The following KCNN2 variants were observed in gnomAD, a reference collection of about 807,000 sequenced individuals.
KCNN2 encodes the protein potassium calcium-activated channel subfamily N member 2.
A neutral mutation model predicts 55.5 loss-of-function variants in KCNN2; 24 were observed. That is an observed-to-expected ratio of 0.43 (90% CI 0.31 to 0.61). The LOEUF is 0.61. Among genes scored for constraint, KCNN2 ranks in the 20% least tolerant of loss-of-function variants. The pLI, the probability that KCNN2 is intolerant of heterozygous loss-of-function variation, is 0.08. For synonymous variants in KCNN2, 431 were observed against 336.1 expected (o/e 1.28, Z -3.09); for missense variants, 754 against 853.6 (o/e 0.88, Z 1.45).
intron 3 of KCNN2, among the ~76,000 whole-genome samples, chr5:114,450,570 T>G (rs750253424): frequency 6.6e-6 from 1 of 152,236 alleles, no homozygotes; most frequent in Non-Finnish European, 1.5e-5. Flanking sequence ...AATATAATTC[T>G]CTTCAGGCGT....
chr5:114,289,398 C>G (rs1262704532), intron 2 of KCNN2, among the ~76,000 whole-genome samples: 1 of 140,386 alleles, frequency 7.1e-6, no homozygotes, highest in Non-Finnish European at 1.5e-5. Context: ...GAGACAGAGT[C>G]TCACTCACTT....
At chr5:114,100,848 C>A (rs569223547) in intron 1 of KCNN2, among the ~76,000 whole-genome samples, 216 of 152,002 alleles carry the variant, frequency 1.4e-3, no homozygotes, top group Non-Finnish European at 2.7e-3. Flanking sequence ...AAGGTTTGAA[C>A]AGGAAAAGAA....
At chr5:114,183,646 T>G (rs536718771) in intron 1 of KCNN2, among the ~76,000 whole-genome samples, 1 of 152,058 alleles carries the variant, frequency 6.6e-6, no homozygotes, top group Non-Finnish European at 1.5e-5. Flanking sequence ...CATAATATAC[T>G]CTTATTATCT....
At chr5:114,332,236 A>G (rs1317686026) in intron 2 of KCNN2, among the ~76,000 whole-genome samples, 1 of 152,230 alleles carries the variant, frequency 6.6e-6, no homozygotes, top group African/African-American at 2.4e-5. Flanking sequence ...ACACAGACTG[A>G]TAATTAATTA....
At chr5:114,213,518 G>A (rs982743600) in intron 1 of KCNN2, among the ~76,000 whole-genome samples, 2 of 148,772 alleles carry the variant, frequency 1.3e-5, no homozygotes, top group Non-Finnish European at 3.0e-5. Flanking sequence ...TTTATAATTT[G>A]CATTCCTGAA....
intron 2 of KCNN2, among the ~76,000 whole-genome samples, chr5:114,278,243 C>T (rs1434284768): frequency 6.6e-6 from 1 of 152,172 alleles, no homozygotes; most frequent in Admixed American, 6.5e-5. Context: ...GGACACCTGC[C>T]TGTATGAGGT....
intron 2 of KCNN2, among the ~76,000 whole-genome samples, chr5:114,389,240 C>T (rs142147567): frequency 1.3e-5 from 2 of 152,102 alleles, no homozygotes; most frequent in South Asian, 4.1e-4. Flanking sequence ...TTGCTGAAAA[C>T]AAGGGCCTTA....
intron 1 of KCNN2, among the ~76,000 whole-genome samples, chr5:114,111,636 A>C (rs1751599689): frequency 6.6e-6 from 1 of 151,708 alleles, no homozygotes. Context: ...AATTTACAAG[A>C]AAAAAACAAC....
intron 3 of KCNN2, among the ~76,000 whole-genome samples, chr5:114,421,292 A>AT (rs1489719740): frequency 1.3e-5 from 2 of 150,954 alleles, no homozygotes; most frequent in African/African-American, 4.9e-5. Context: ...AATTAATTTT[A>AT]TTTTTTAAAC....
At chr5:114,184,365 T>C (rs1009026243) in intron 1 of KCNN2, among the ~76,000 whole-genome samples, 2 of 152,158 alleles carry the variant, frequency 1.3e-5, no homozygotes, top group Admixed American at 6.5e-5. Flanking sequence ...CCTGGCAGTG[T>C]TGGGGAAATA....
At chr5:114,399,053 G>T (rs114033327) in intron 2 of KCNN2, among the ~76,000 whole-genome samples, 6 of 152,040 alleles carry the variant, frequency 3.9e-5, no homozygotes, top group Non-Finnish European at 7.4e-5. Context: ...TTACATGATC[G>T]CTCTAGCTAA....
chr5:114,204,119 G>A (rs926185878), intron 1 of KCNN2, among the ~76,000 whole-genome samples: 3 of 151,912 alleles, frequency 2.0e-5, no homozygotes, highest in African/African-American at 7.3e-5. Context: ...TGAAGTTTCC[G>A]GACTCAGTGC....
At position 114,486,918 on chromosome 5, in the gene KCNN2, T is replaced by A. The variant is rs1580920952; in HGVS notation, c.1891-132T>A. On this transcript the variant is annotated intron_variant, in intron 5 of 7. Coordinates refer to ENST00000673685, the MANE Select transcript of KCNN2 (RefSeq NM_021614.4). ...AAAGGCATAGATTAAAGAAAAATGG[T>A]ATTTGGAGTCATGGTTACTAAATGA... 3.3e-6 allele frequency: 4 copies of A among 1,217,284 alleles called. No individual in the cohort carries two copies. In the East Asian group the frequency reaches 9.7e-5, roughly 30 times the overall value. The allele number at this position is 1,217,284 out of a possible 1,614,324, so 75.4% of individuals were successfully genotyped here.
At chr5:114,329,294 G>A (rs1756764762) in intron 2 of KCNN2, among the ~76,000 whole-genome samples, 1 of 152,224 alleles carries the variant, frequency 6.6e-6, no homozygotes, top group Admixed American at 6.5e-5. Flanking sequence ...GTGTCTGTGA[G>A]GGTGTTGCCA....
chr5:114,157,668 T>C (rs1206557075), intron 1 of KCNN2, among the ~76,000 whole-genome samples: 2 of 152,328 alleles, frequency 1.3e-5, no homozygotes, highest in East Asian at 1.9e-4. Context: ...CCAGCACCTG[T>C]TGTTTCCTGA....
At chr5:114,157,640 T>G (rs999361663) in intron 1 of KCNN2, among the ~76,000 whole-genome samples, 6 of 152,314 alleles carry the variant, frequency 3.9e-5, no homozygotes, top group Non-Finnish European at 4.4e-5. Flanking sequence ...AAAGCGTTCC[T>G]GTTTCTCCAC....
chr5:114,205,113 T>C (rs1472738219), intron 1 of KCNN2, among the ~76,000 whole-genome samples: 1 of 152,254 alleles, frequency 6.6e-6, no homozygotes, highest in East Asian at 1.9e-4. Flanking sequence ...AAGTCACTCC[T>C]GTGTTTTGGT....
chr5:114,324,754 GTGGCTC>G (rs1269973959), intron 2 of KCNN2, among the ~76,000 whole-genome samples: 1 of 152,220 alleles, frequency 6.6e-6, no homozygotes, highest in African/African-American at 2.4e-5. Flanking sequence ...AAATGTGAAA[GTGGCTC>G]TAGAATTGGG....
intron 3 of KCNN2, among the ~76,000 whole-genome samples, chr5:114,425,252 C>G (rs944894984): frequency 6.6e-6 from 1 of 152,174 alleles, no homozygotes; most frequent in African/African-American, 2.4e-5. Context: ...ACTGCAACTT[C>G]CAATTCACAT....
Sources: allele counts gnomAD v4.1 joint callset (sites outside exome capture counted in the v4.1 genomes callset), GRCh38; gene constraint gnomAD v4.1.1; transcripts MANE v1.5; gene names NCBI Gene and HGNC (gene_info 2026-07-23, HGNC 2026-07-21).